The following PRUNE2 variants were observed in gnomAD, a reference collection of about 807,000 sequenced individuals.
PRUNE2 encodes the protein prune homolog 2 with BCH domain.
Under a neutral mutation model 252.0 loss-of-function variants are expected in PRUNE2, and 164 were observed. The ratio of observed to expected loss-of-function variants is 0.65; its 90% CI spans 0.57 to 0.74. The LOEUF (loss-of-function observed/expected upper bound fraction) is 0.74. Among genes scored for constraint, PRUNE2 ranks in the 30% least tolerant of loss-of-function variants. The pLI, the probability that PRUNE2 is intolerant of heterozygous loss-of-function variation, is 0.00. For missense variants in PRUNE2, 3,495 were observed against 3,711.0 expected, an observed-to-expected ratio of 0.94 and a Z score of 1.51; for synonymous variants, 1,292 against 1,350.2, an observed-to-expected ratio of 0.96 and a Z score of 0.94.
At chr9:76,857,057 A>G (rs2060292148) in intron 1 of PRUNE2, 2 of 455,828 alleles carry the variant, frequency 4.4e-6, no homozygotes, top group Non-Finnish European at 8.8e-6. Context: ...CCTGGCCAAC[A>G]TGTCTCTTTT....
intron 6 of PRUNE2, among the ~76,000 whole-genome samples, chr9:76,734,996 G>A (rs1030366655): frequency 6.6e-6 from 1 of 151,964 alleles, no homozygotes; most frequent in Non-Finnish European, 1.5e-5. Context: ...GCAAGGGGTG[G>A]AGAAAAAAGG....
chr9:76,829,757 T>G (rs1005761966), intron 4 of PRUNE2, among the ~76,000 whole-genome samples: 1 of 152,008 alleles, frequency 6.6e-6, no homozygotes, highest in Non-Finnish European at 1.5e-5. Context: ...TTTTGTTTTT[T>G]TTTTTTTAAT....
intron 6 of PRUNE2, among the ~76,000 whole-genome samples, chr9:76,799,531 G>A (rs187237337): frequency 3.2e-4 from 49 of 152,260 alleles, no homozygotes; most frequent in African/African-American, 1.1e-3. Flanking sequence ...TGCATGGTGG[G>A]GGAAAGAGGC....
At chr9:76,685,744 G>A (rs373909051) in intron 9 of PRUNE2, among the ~76,000 whole-genome samples, 72 of 152,258 alleles carry the variant, frequency 4.7e-4, no homozygotes, top group Admixed American at 1.2e-3. Context: ...AATGTCTACC[G>A]TTTAAGCCAC....
chr9:76,868,945 C>T (rs936561871), intron 1 of PRUNE2: 16 of 152,052 alleles, frequency 1.1e-4, no homozygotes, highest in Admixed American at 2.6e-4. Flanking sequence ...CCGCGTCGCC[C>T]CTTCTGTAGC....
chr9:76,881,759 CTACAGGCA>C (rs2061800814), intron 1 of PRUNE2, among the ~76,000 whole-genome samples: 1 of 151,988 alleles, frequency 6.6e-6, no homozygotes, highest in African/African-American at 2.4e-5. Context: ...GTAGCTGGGA[CTACAGGCA>C]TGCACCACCA....
intron 12 of PRUNE2, chr9:76,642,001 TA>T (rs369258212): frequency 0.21 from 203,326 of 952,522 alleles, 1 homozygote; most frequent in Non-Finnish European, 0.22. Context: ...ATAAGAGAAG[TA>T]AAAAAAAAAA....
chr9:76,807,929 T>G (rs2057088240), intron 6 of PRUNE2, among the ~76,000 whole-genome samples: 2 of 152,128 alleles, frequency 1.3e-5, no homozygotes, highest in Non-Finnish European at 2.9e-5. Context: ...TGTAATCCCT[T>G]CACTTTGGGA....
At chr9:76,655,577 A>G in intron 9 of PRUNE2, 75 bp from the exon 10 acceptor site, 1 of 1,047,582 alleles carries the variant, frequency 9.5e-7, no homozygotes, top group Non-Finnish European at 1.5e-6. Context: ...GGAAACCCAC[A>G]GAGTCCAGGA....
intron 12 of PRUNE2, among the ~76,000 whole-genome samples, chr9:76,640,478 C>T (rs951421220): frequency 2.6e-5 from 4 of 152,186 alleles, no homozygotes; most frequent in Non-Finnish European, 5.9e-5. Context: ...AGTATTTATA[C>T]TACAGATCTT....
intron 16 of PRUNE2, chr9:76,627,856 A>G (rs746028297): frequency 4.4e-5 from 19 of 436,334 alleles, no homozygotes; most frequent in Middle Eastern, 6.7e-4. Context: ...GGGGTTTACT[A>G]TAAGAGTTAA....
chr9:76,719,672 G>A (rs1424959083), intron 6 of PRUNE2, among the ~76,000 whole-genome samples: 1 of 151,478 alleles, frequency 6.6e-6, no homozygotes, highest in Non-Finnish European at 1.5e-5. Context: ...TTCAGAGTTG[G>A]GGTCTTACTC....
chr9:76,619,717 A>G (rs1032549037), intron 17 of PRUNE2, among the ~76,000 whole-genome samples: 2 of 152,256 alleles, frequency 1.3e-5, no homozygotes, highest in Admixed American at 6.5e-5. Context: ...CCCAAATAAT[A>G]AAATACACAC....
chr9:76,674,224 A>C (rs2134014740), intron 9 of PRUNE2, among the ~76,000 whole-genome samples: 1 of 152,300 alleles, frequency 6.6e-6, no homozygotes, highest in East Asian at 1.9e-4. Flanking sequence ...ATACAAAATC[A>C]ATGTACAAAA....
chr9:76,820,075 C>T (rs1589396191), intron 6 of PRUNE2, among the ~76,000 whole-genome samples: 1 of 152,280 alleles, frequency 6.6e-6, no homozygotes, highest in Middle Eastern at 3.4e-3. Context: ...AAGACGCATG[C>T]TACTTTCACA....
Position 76,705,672 on chromosome 9 carries a change from G to A in PRUNE2, c.6602C>T (p.Thr2201Ile). The A allele has an allele frequency of 6.2e-7, 1 of 1,613,954 alleles. No homozygotes were observed. Among genetic ancestry groups the A allele is most frequent in the Non-Finnish European group, 8.5e-7 (1 of 1,179,890 alleles). The change falls in exon 8 of 19, where the codon ACA (threonine) becomes ATA (isoleucine). Residue 2201 changes from threonine (T) to isoleucine (I), a missense_variant. Physicochemically the swap from Thr to Ile is moderately conservative, Grantham distance 89. Coordinates refer to ENST00000376718, the MANE Select transcript of PRUNE2 (RefSeq NM_015225.3). ...TCCTTTTTCTGATACTTGTAAACCT[G>A]TACTGTTGTCACCGTTTATTTCAGA... ...EPSEINGDNS[T>I]GLQVSEKGAS...
At chr9:76,887,363 T>C (rs2062165321) in intron 1 of PRUNE2, among the ~76,000 whole-genome samples, 1 of 152,202 alleles carries the variant, frequency 6.6e-6, no homozygotes, top group African/African-American at 2.4e-5. Flanking sequence ...AATCTACCCA[T>C]TGATATGGCC....
At chr9:76,704,680 G>T in intron 8 of PRUNE2, 81 bp downstream of exon 8, 1 of 977,876 alleles carries the variant, frequency 1.0e-6, no homozygotes, top group Non-Finnish European at 1.5e-6. Flanking sequence ...CTCATTGGTA[G>T]GAAGAGTGTG....
chr9:76,631,930 T>C (rs993629015), intron 15 of PRUNE2, among the ~76,000 whole-genome samples: 5 of 152,146 alleles, frequency 3.3e-5, no homozygotes, highest in African/African-American at 1.2e-4. Context: ...AACTCACTTA[T>C]GATAATGACC....
Sources: allele counts gnomAD v4.1 joint callset (sites outside exome capture counted in the v4.1 genomes callset), GRCh38; gene constraint gnomAD v4.1.1; transcripts MANE v1.5; gene names NCBI Gene and HGNC (gene_info 2026-07-23, HGNC 2026-07-21).